The following DCAF8L2 variants were observed in gnomAD, a reference collection of about 807,000 sequenced individuals.
The protein encoded by DCAF8L2 is DDB1- and CUL4-associated factor 8-like protein 2.
For synonymous variants in DCAF8L2, 200 were observed against 190.9 expected (o/e 1.05, Z -0.39); for missense variants, 430 against 490.7 (o/e 0.88, Z 1.17).
chrX:27,540,424 A>G, the DCAF8L2 span, among the ~76,000 whole-genome samples: 1 of 111,347 alleles, frequency 9.0e-6, no homozygotes, highest in Non-Finnish European at 1.9e-5. Context: ...AAAAAGAAAC[A>G]TGGATGAGCT....
the DCAF8L2 span, among the ~76,000 whole-genome samples, chrX:27,542,681 T>C: frequency 1.9e-5 from 2 of 104,916 alleles, no homozygotes; most frequent in East Asian, 3.1e-4. Flanking sequence ...TAGCTGGGAC[T>C]ACAGGCGCCC....
the DCAF8L2 span, among the ~76,000 whole-genome samples, chrX:27,567,782 G>A: frequency 3.7e-5 from 4 of 107,969 alleles, no homozygotes; most frequent in Non-Finnish European, 7.7e-5. Context: ...GAGTGTATTA[G>A]TGATTTCAAA....
chrX:27,492,466 C>CTTTT, the DCAF8L2 span, among the ~76,000 whole-genome samples: 1 of 105,274 alleles, frequency 9.5e-6, no homozygotes, highest in Non-Finnish European at 1.9e-5. Context: ...CCATGTTTTT[C>CTTTT]TTTTTTCTTT....
the DCAF8L2 span, among the ~76,000 whole-genome samples, chrX:27,559,011 T>A: frequency 2.7e-5 from 3 of 110,648 alleles, no homozygotes; most frequent in African/African-American, 9.9e-5. Flanking sequence ...AGGGACCTGG[T>A]ATGAAGTGAT....
At chrX:27,707,069 T>A (rs979974501) in intron 3 of DCAF8L2, among the ~76,000 whole-genome samples, 14 of 111,389 alleles carry the variant, frequency 1.3e-4, no homozygotes, top group South Asian at 3.8e-4. Flanking sequence ...CATAAAATGT[T>A]TAGAATAGGC....
intron 2 of DCAF8L2, among the ~76,000 whole-genome samples, chrX:27,647,366 C>G (rs769295174): frequency 6.3e-5 from 7 of 111,162 alleles, no homozygotes; most frequent in African/African-American, 1.6e-4. Context: ...AATGAGAACA[C>G]ATGGACACAG....
chrX:27,512,237 C>T, the DCAF8L2 span, among the ~76,000 whole-genome samples: 1 of 111,532 alleles, frequency 9.0e-6, no homozygotes, highest in African/African-American at 3.3e-5. Flanking sequence ...TGCCACTGCA[C>T]TACACCATAG....
intron 2 of DCAF8L2, among the ~76,000 whole-genome samples, chrX:27,661,956 A>T (rs1038577858): frequency 4.5e-5 from 5 of 111,945 alleles, no homozygotes; most frequent in Admixed American, 2.9e-4. Flanking sequence ...GTGTTTTTTT[A>T]GCTAAGACAA....
At chrX:27,703,001 A>C (rs1255557993) in intron 3 of DCAF8L2, among the ~76,000 whole-genome samples, 2 of 111,931 alleles carry the variant, frequency 1.8e-5, no homozygotes, top group Non-Finnish European at 3.8e-5. Flanking sequence ...AGCAAGGCTG[A>C]AGGATACAAA....
chrX:27,530,257 AAAC>A, the DCAF8L2 span, among the ~76,000 whole-genome samples: 1 of 110,607 alleles, frequency 9.0e-6, no homozygotes, highest in African/African-American at 3.3e-5. Flanking sequence ...TCAACAAAAA[AAAC>A]ATTATCTACC....
the DCAF8L2 span, among the ~76,000 whole-genome samples, chrX:27,555,799 C>A: frequency 9.0e-6 from 1 of 111,395 alleles, no homozygotes; most frequent in Admixed American, 9.5e-5. Context: ...GGTGTTCTAC[C>A]ACAGCCACAT....
intron 1 of DCAF8L2, among the ~76,000 whole-genome samples, chrX:27,597,460 G>A (rs1212887322): frequency 2.7e-5 from 3 of 110,911 alleles, no homozygotes; most frequent in African/African-American, 9.8e-5. Context: ...GTTAAAGCTG[G>A]GTAAAAAGGC....
At chrX:27,517,894 C>G in the DCAF8L2 span, 41 of 1,129,080 alleles carry the variant, frequency 3.6e-5, no homozygotes, top group South Asian at 7.5e-4. Flanking sequence ...CCCAATACAA[C>G]TGGCAGACAA....
chrX:27,531,826 C>T, the DCAF8L2 span, among the ~76,000 whole-genome samples: 6 of 111,426 alleles, frequency 5.4e-5, no homozygotes, highest in African/African-American at 1.6e-4. Context: ...ACAGTTCATA[C>T]ATTCAGGGAT....
At chrX:27,666,127 C>T (rs1476155472) in intron 2 of DCAF8L2, among the ~76,000 whole-genome samples, 1 of 111,481 alleles carries the variant, frequency 9.0e-6, no homozygotes, top group Non-Finnish European at 1.9e-5. Context: ...TGTGTTCTGA[C>T]GTTAATTTCC....
At chrX:27,615,904 A>G (rs922761292) in intron 1 of DCAF8L2, among the ~76,000 whole-genome samples, 5 of 111,219 alleles carry the variant, frequency 4.5e-5, no homozygotes, top group African/African-American at 1.6e-4. Context: ...CATATTTCAC[A>G]TGTATGGCAG....
At chrX:27,510,488 A>AATATAT in the DCAF8L2 span, among the ~76,000 whole-genome samples, 3 of 104,102 alleles carry the variant, frequency 2.9e-5, no homozygotes, top group Non-Finnish European at 3.9e-5. Flanking sequence ...AACAAAGAGA[A>AATATAT]ATATATATAT....
the DCAF8L2 span, among the ~76,000 whole-genome samples, chrX:27,514,668 CAAAAAAAAAAAAAAAAAAAAAA>C: frequency 1.2e-3 from 3 of 2,527 alleles, no homozygotes; most frequent in African/African-American, 3.5e-3. Flanking sequence ...GACTCCGTCT[CAAAAAAAAAAAAAAAAAAAAAA>C]AAAAACAAAA....
At chrX:27,491,700 C>T in the DCAF8L2 span, among the ~76,000 whole-genome samples, 47 of 111,390 alleles carry the variant, frequency 4.2e-4, no homozygotes, top group African/African-American at 1.4e-3. Context: ...AATCCATGAA[C>T]GTGGAATGTT....
Sources: allele counts gnomAD v4.1 joint callset (sites outside exome capture counted in the v4.1 genomes callset), GRCh38; gene constraint gnomAD v4.1.1; transcripts MANE v1.5; gene names NCBI Gene and HGNC (gene_info 2026-07-23, HGNC 2026-07-21).